The following RNF121 variants were observed in gnomAD, a reference collection of about 807,000 sequenced individuals.
RNF121 encodes E3 ubiquitin ligase RNF121.
A neutral mutation model predicts 46.5 loss-of-function variants in RNF121; 21 were observed. That is an observed-to-expected ratio of 0.45 (90% CI 0.32 to 0.65). RNF121 has a LOEUF of 0.65. RNF121 is among the 30% of genes least tolerant of loss of function. The pLI is 0.04. For synonymous variants in RNF121, 139 were observed against 144.7 expected (o/e 0.96, Z 0.28); for missense variants, 346 against 416.0 (o/e 0.83, Z 1.46).
intron 1 of RNF121, among the ~76,000 whole-genome samples, chr11:71,951,363 C>G (rs1258545346): frequency 6.6e-6 from 1 of 152,006 alleles, no homozygotes; most frequent in Non-Finnish European, 1.5e-5. Flanking sequence ...TTTTTCTTCA[C>G]TGAGAAGGGT....
rs1954991718 is a variant in RNF121 at position 71,996,933 on chromosome 11, C to G, written c.*618C>G. 1 of 152,402 alleles carries G rather than the reference C, an allele frequency of 6.6e-6. No individual in the cohort carries two copies. Among genetic ancestry groups the G allele is most frequent in the Non-Finnish European group, 1.5e-5 (1 of 68,172 alleles). The allele number at this position is 152,402 out of a possible 1,614,324, so 9.4% of individuals were successfully genotyped here. On this transcript the variant is annotated 3_prime_UTR_variant, in exon 9 of 9. Transcript: ENST00000361756. ...GGAACCTTATCAGTGACTTGGCCAA[C>G]AAGGGAAGCCTTGGGGCCTCAGAAT... is the stretch of plus-strand genomic sequence containing the variant.
At chr11:71,993,992 C>A (rs959008296) in intron 6 of RNF121, among the ~76,000 whole-genome samples, 7 of 151,992 alleles carry the variant, frequency 4.6e-5, no homozygotes, top group Non-Finnish European at 7.4e-5. Flanking sequence ...AGGCGCCCCC[C>A]ACCATGCCTG....
chr11:71,955,914 G>T (rs1005437521), intron 1 of RNF121, among the ~76,000 whole-genome samples: 4 of 152,176 alleles, frequency 2.6e-5, no homozygotes, highest in African/African-American at 9.6e-5. Flanking sequence ...GAAAAGGAAG[G>T]AGGGATGTTG....
intron 3 of RNF121, among the ~76,000 whole-genome samples, chr11:71,969,446 CT>C (rs2134188301): frequency 6.6e-6 from 1 of 152,142 alleles, no homozygotes; most frequent in South Asian, 2.1e-4. Context: ...TAAGTTGACA[CT>C]TTTTATAGAA....
At chr11:71,976,918 T>C (rs1954537613) in intron 3 of RNF121, among the ~76,000 whole-genome samples, 1 of 152,192 alleles carries the variant, frequency 6.6e-6, no homozygotes, top group South Asian at 2.1e-4. Flanking sequence ...TTCATTTTGA[T>C]CTTATTTCTT....
At chr11:71,990,136 G>C (rs1313404818) in intron 5 of RNF121, among the ~76,000 whole-genome samples, 1 of 152,214 alleles carries the variant, frequency 6.6e-6, no homozygotes, top group Non-Finnish European at 1.5e-5. Context: ...GTGACACCCA[G>C]ATTCTGGCAT....
At chr11:71,948,511 T>C in intron 1 of RNF121, among the ~76,000 whole-genome samples, 2 of 41,324 alleles carry the variant, frequency 4.8e-5, no homozygotes, top group African/African-American at 9.1e-5. Flanking sequence ...TGAAACTGTC[T>C]CCAAAAAAAA....
intron 1 of RNF121, among the ~76,000 whole-genome samples, chr11:71,935,628 A>G (rs1269805267): frequency 1.3e-5 from 2 of 152,150 alleles, no homozygotes; most frequent in African/African-American, 4.8e-5. Context: ...TAAATGCTTA[A>G]ATATGTGAAC....
At chr11:71,950,715 C>T (rs569287203) in intron 1 of RNF121, among the ~76,000 whole-genome samples, 13 of 151,626 alleles carry the variant, frequency 8.6e-5, no homozygotes, top group Middle Eastern at 6.8e-3. Flanking sequence ...TGCAGTGGCG[C>T]GGTCTTGGCT....
chr11:71,929,069 C>A lies in RNF121; in HGVS notation c.8C>A (p.Ala3Glu). Residue 3 changes from alanine (A) to glutamate (E), a missense_variant, in exon 1 of 9, where the codon GCA becomes GAA. Ala to Glu is a moderately radical substitution (Grantham distance 107). Coordinates refer to ENST00000361756, the MANE Select transcript of RNF121 (RefSeq NM_018320.5). The part of the protein sequence containing the change: MA[A>E]VVEVEVGGGA... ...AGGGGGCGAGCCGTGAAGATGGCGGCAGTGGTGGAGGTGGAGGTTGGAGGT... is the reference window on the plus strand; with the variant it reads ...AGGGGGCGAGCCGTGAAGATGGCGGAAGTGGTGGAGGTGGAGGTTGGAGGT... 1.3e-6 allele frequency: 2 copies of A among 1,551,328 alleles called. No individual in the cohort carries two copies. The highest frequency in any genetic ancestry group is 1.7e-6 in the Non-Finnish European group (2 of 1,146,984).
intron 1 of RNF121, among the ~76,000 whole-genome samples, chr11:71,941,441 G>A (rs1590770900): frequency 6.6e-6 from 1 of 152,208 alleles, no homozygotes; most frequent in African/African-American, 2.4e-5. Context: ...TGACTTCAGT[G>A]TCAAACATTT....
At chr11:71,972,208 A>G (rs1241869262) in intron 3 of RNF121, among the ~76,000 whole-genome samples, 1 of 152,224 alleles carries the variant, frequency 6.6e-6, no homozygotes, top group Non-Finnish European at 1.5e-5. Flanking sequence ...GGTACAAACA[A>G]AAATATACAT....
At chr11:71,965,751 A>G (rs1954261682) in intron 3 of RNF121, among the ~76,000 whole-genome samples, 1 of 152,216 alleles carries the variant, frequency 6.6e-6, no homozygotes, top group Non-Finnish European at 1.5e-5. Context: ...TGTTTTAATT[A>G]TTAGTGGAAC....
chr11:71,961,915 G>A (rs895710023), intron 3 of RNF121, among the ~76,000 whole-genome samples: 2 of 151,446 alleles, frequency 1.3e-5, no homozygotes, highest in African/African-American at 4.9e-5. Context: ...GCATTTCTGT[G>A]CTTATATGTA....
intron 3 of RNF121, among the ~76,000 whole-genome samples, chr11:71,965,782 A>AAATTATAGCTATTATAATTCAAG (rs1954262552): frequency 6.6e-6 from 1 of 152,176 alleles, no homozygotes; most frequent in African/African-American, 2.4e-5. Flanking sequence ...GCCCTCCAAG[A>AAATTATAGCTATTATAATTCAAG]AAGTTATAGC....
intron 6 of RNF121, among the ~76,000 whole-genome samples, chr11:71,992,347 T>A (rs1161530898): frequency 6.6e-6 from 1 of 152,244 alleles, no homozygotes; most frequent in African/African-American, 2.4e-5. Context: ...ACTTGCTTTG[T>A]TAATCTTTAA....
intron 3 of RNF121, among the ~76,000 whole-genome samples, chr11:71,966,508 A>T (rs1326329446): frequency 6.6e-6 from 1 of 150,454 alleles, no homozygotes; most frequent in East Asian, 2.0e-4. Context: ...AAGATACAGG[A>T]TCTCAGTCTG....
chr11:71,962,142 G>C (rs1306928301), intron 3 of RNF121: 1 of 156,918 alleles, frequency 6.4e-6, no homozygotes, highest in African/African-American at 2.4e-5. Context: ...TAATTTTTTT[G>C]TATTTTTAGT....
In RNF121 at chr11:71,929,054, C is replaced by G. The variant is rs1228802377; in HGVS notation, c.-8C>G. On this transcript the variant is annotated 5_prime_UTR_variant, in exon 1 of 9. Coordinates refer to ENST00000361756, the MANE Select transcript of RNF121 (RefSeq NM_018320.5). ...GCGGGGACTGCGGTGAGGGGGCGAG[C>G]CGTGAAGATGGCGGCAGTGGTGGAG... The G allele has an allele frequency of 6.4e-7, 1 of 1,551,060 alleles. No individual in the cohort carries two copies. The highest frequency in any genetic ancestry group is 1.2e-5 in the South Asian group (1 of 84,034).
Sources: gnomAD v4.1 joint callset for allele counts (sites outside exome capture counted in the v4.1 genomes callset) on GRCh38, gnomAD v4.1.1 for gene constraint, MANE v1.5 for transcripts, NCBI Gene and HGNC (gene_info 2026-07-23, HGNC 2026-07-21) for gene names.